Variants in ZNF638 observed in about 807,000 individuals in gnomAD.
ZNF638 encodes zinc finger protein 638.
In ZNF638, 46 loss-of-function variants were observed where a neutral mutation model predicts 195.6. The observed-to-expected ratio is 0.24, with a 90% confidence interval of 0.19 to 0.30. The LOEUF (loss-of-function observed/expected upper bound fraction) is 0.30. Among genes scored for constraint, ZNF638 ranks in the 10% least tolerant of loss-of-function variants. The pLI, the probability that ZNF638 is intolerant of heterozygous loss-of-function variation, is 1.00. For missense variants in ZNF638, 2,440 were observed against 2,325.3 expected (o/e 1.05, Z -1.01); for synonymous variants, 845 against 772.0 (o/e 1.09, Z -1.57).
At chr2:71,434,228 G>A (rs1573186515) in intron 27 of ZNF638, among the ~76,000 whole-genome samples, 1 of 152,088 alleles carries the variant, frequency 6.6e-6, no homozygotes, top group African/African-American at 2.4e-5. Context: ...TTTCATACAT[G>A]AGAGACCCAT....
chr2:71,372,620 T>C (rs2079334621), intron 8 of ZNF638, among the ~76,000 whole-genome samples: 2 of 152,172 alleles, frequency 1.3e-5, no homozygotes, highest in Admixed American at 6.5e-5. Flanking sequence ...TCACTTGATA[T>C]TTGGTTCTTG....
Position 71,403,989 on chromosome 2 carries a change from A to G in ZNF638, c.2949A>G (p.Ile983Met). The G allele has an allele frequency of 2.5e-6, 4 of 1,609,728 alleles. No homozygotes were observed. The highest frequency in any genetic ancestry group is 3.4e-6 in the Non-Finnish European group (4 of 1,178,268). The change falls in exon 17 of 28, where the codon ATA becomes ATG. Residue 983 changes from isoleucine to methionine, a missense_variant. This residue lies in a region of ZNF638 where 1,883 missense variants were observed against 1,739.1 expected (regional missense o/e 1.08). Coordinates refer to ENST00000264447, the MANE Select transcript of ZNF638 (RefSeq NM_014497.5). ...GTATGGCTCCTGAAAACATGAATATAAAAGATGAGGTAAATCAGACCACCA... is the reference window on the plus strand; with the variant it reads ...GTATGGCTCCTGAAAACATGAATATGAAAGATGAGGTAAATCAGACCACCA... Reference protein sequence around the residue: ...SISMAPENMNIKDEEAIFITL... With the variant: ...SISMAPENMNMKDEEAIFITL...
intron 10 of ZNF638, among the ~76,000 whole-genome samples, chr2:71,386,915 T>G (rs1320097834): frequency 6.6e-6 from 1 of 152,002 alleles, no homozygotes; most frequent in African/African-American, 2.4e-5. Flanking sequence ...TTGTGGAATC[T>G]CAGTTCATTG....
rs184136739 is a variant in ZNF638 at position 71,355,955 on chromosome 2, T to G, written c.1379+175T>G. Among the ~76,000 whole-genome samples the G allele has an allele frequency of 6.6e-4, 101 of 152,360 alleles. 1 individual carries two copies. The highest frequency in any genetic ancestry group is 1.0e-3 in the Non-Finnish European group (70 of 68,022). The stretch of plus-strand genomic sequence containing the variant: ...TATATTTAATATTTTTCCAAAATGG[T>G]AGAATTCAGTATATCCTTTGACACT... On this transcript the variant is annotated intron_variant, in intron 3 of 27. Transcript: ENST00000264447.
At chr2:71,419,974 C>CCCTT (rs1189202093) in intron 21 of ZNF638, among the ~76,000 whole-genome samples, 1 of 27,020 alleles carries the variant, frequency 3.7e-5, no homozygotes, top group Non-Finnish European at 5.8e-5. Context: ...CCCCCCCCGC[C>CCCTT]TTTTTTTTTT....
chr2:71,347,623 A>G (rs533765319), intron 1 of ZNF638, among the ~76,000 whole-genome samples: 4 of 152,346 alleles, frequency 2.6e-5, no homozygotes, highest in Admixed American at 1.3e-4. Context: ...TAGCACCAGC[A>G]TAGTCTATAT....
chr2:71,342,409 T>C (rs1558828369), intron 1 of ZNF638, among the ~76,000 whole-genome samples: 1 of 151,904 alleles, frequency 6.6e-6, no homozygotes, highest in Non-Finnish European at 1.5e-5. Flanking sequence ...CCACTACACA[T>C]GTTCACTCTT....
intron 2 of ZNF638, among the ~76,000 whole-genome samples, chr2:71,353,304 G>A (rs1347370667): frequency 2.6e-5 from 4 of 151,790 alleles, no homozygotes; most frequent in Non-Finnish European, 5.9e-5. Flanking sequence ...TTTAGGAGCT[G>A]TGTCATAATG....
intron 10 of ZNF638, 27 bp downstream of exon 10, chr2:71,380,592 C>T: frequency 6.4e-7 from 1 of 1,564,136 alleles, no homozygotes. Context: ...AATATTCTTT[C>T]AAATGAGTGT....
At chr2:71,335,349 T>A (rs777574784) in intron 1 of ZNF638, among the ~76,000 whole-genome samples, 16 of 152,216 alleles carry the variant, frequency 1.1e-4, no homozygotes, top group Non-Finnish European at 1.5e-4. Flanking sequence ...GCCTGTTTTC[T>A]TCATGGTTAC....
chr2:71,378,650 T>C (rs1431887632), intron 8 of ZNF638, among the ~76,000 whole-genome samples: 3 of 152,168 alleles, frequency 2.0e-5, no homozygotes, highest in Admixed American at 6.5e-5. Flanking sequence ...CAACAAGTGC[T>C]ATGGTAAAAA....
chr2:71,408,992 C>T (rs2080159639), intron 20 of ZNF638, among the ~76,000 whole-genome samples: 2 of 151,994 alleles, frequency 1.3e-5, no homozygotes, highest in South Asian at 4.1e-4. Flanking sequence ...TTAGCTATTC[C>T]TCAGCAGAAC....
chr2:71,350,168 A>C lies in ZNF638; in HGVS notation c.1214A>C (p.Lys405Thr), dbSNP rs758365724. The change falls in exon 2 of 28, where the codon AAG (lysine) becomes ACG (threonine). Residue 405 changes from lysine (K) to threonine (T), a missense_variant. Physicochemically the swap from Lys to Thr is moderately conservative, Grantham distance 78. This residue lies in a region of ZNF638 where 305 missense variants were observed against 283.6 expected (regional missense o/e 1.08). Transcript: ENST00000264447. ...TCACATGCTGATGCCCAGAAGATGA[A>C]GAGACTTCCAACTCCTTCTATGATG... ...KFSHADAQKM[K>T]RLPTPSMMND... The C allele has an allele frequency of 1.9e-6, 3 of 1,613,280 alleles. No homozygotes were observed. Among genetic ancestry groups the C allele is most frequent in the Non-Finnish European group, 2.5e-6 (3 of 1,180,024 alleles).
intron 20 of ZNF638, 104 bp from the exon 21 acceptor site, chr2:71,418,498 G>GGT: frequency 3.1e-6 from 2 of 640,406 alleles, no homozygotes; most frequent in Non-Finnish European, 4.8e-6. Context: ...CATTTTTAAG[G>GGT]TTTTTTTTTT....
intron 12 of ZNF638, 106 bp from the exon 13 acceptor site, chr2:71,399,453 G>A: frequency 1.4e-6 from 1 of 731,544 alleles, no homozygotes; most frequent in East Asian, 2.8e-5. Flanking sequence ...GTGGAAAAGA[G>A]CTGCTTTTGT....
In ZNF638 at chr2:71,400,115, A is replaced by G. The variant is rs762128318; in HGVS notation, c.2591A>G (p.Asn864Ser). Reference sequence around the variant, plus strand: ...TAAAGCAGACTATTTCATGCAGAAAACTCTGAAATAAAGACCAGTATTGAA... The same window carrying G: ...TAAAGCAGACTATTTCATGCAGAAAGCTCTGAAATAAAGACCAGTATTGAA... ...DSNKPVTIPE[N>S]SEIKTSIEVK... The change falls in exon 14 of 28, where the codon AAC becomes AGC. Residue 864 changes from asparagine to serine, a missense_variant. Physicochemically the swap from Asn to Ser is conservative, Grantham distance 46 (BLOSUM62 1). Coordinates refer to ENST00000264447, the MANE Select transcript of ZNF638 (RefSeq NM_014497.5). 8 of 1,602,862 alleles carry G rather than the reference A, an allele frequency of 5.0e-6. No individual in the cohort carries two copies. In the East Asian group the frequency reaches 1.8e-4, roughly 36 times the overall value.
intron 22 of ZNF638, among the ~76,000 whole-genome samples, chr2:71,424,282 A>C (rs929294980): frequency 2.6e-5 from 4 of 151,534 alleles, no homozygotes; most frequent in Admixed American, 2.6e-4. Flanking sequence ...TTTGGAAATA[A>C]CTGTGGTTTA....
intron 6 of ZNF638, 29 bp from the exon 7 acceptor site, chr2:71,368,348 GTTTAT>G: frequency 6.3e-7 from 1 of 1,591,838 alleles, no homozygotes; most frequent in Non-Finnish European, 8.5e-7. Context: ...GCTTAATTTG[GTTTAT>G]TTTAAATTTT....
At chr2:71,346,439 C>CT (rs2078851816) in intron 1 of ZNF638, among the ~76,000 whole-genome samples, 1 of 152,130 alleles carries the variant, frequency 6.6e-6, no homozygotes, top group African/African-American at 2.4e-5. Context: ...AAGCTTGTGT[C>CT]TGCAGCTTGT....
Sources: gnomAD v4.1 joint callset for allele counts (sites outside exome capture counted in the v4.1 genomes callset) on GRCh38, gnomAD v4.1.1 for gene constraint, gnomAD v4.1.1 regional missense constraint, MANE v1.5 for transcripts, NCBI Gene and HGNC (gene_info 2026-07-23, HGNC 2026-07-21) for gene names.